The following OR6N1 variants were observed in gnomAD, a reference collection of about 807,000 sequenced individuals.
OR6N1 encodes olfactory receptor 6N1.
For missense variants in OR6N1, 394 were observed against 371.7 expected, an observed-to-expected ratio of 1.06 and a Z score of -0.49; for synonymous variants, 170 against 150.7, an observed-to-expected ratio of 1.13 and a Z score of -0.94.
intron 1 of OR6N1, among the ~76,000 whole-genome samples, chr1:158,769,429 G>T (rs770683371): frequency 2.6e-5 from 4 of 152,166 alleles, no homozygotes; most frequent in Admixed American, 1.3e-4. Context: ...CTCTAAAAGT[G>T]CTGGGATTAC....
At chr1:158,797,508 T>G in the OR6N1 span, among the ~76,000 whole-genome samples, 1 of 152,206 alleles carries the variant, frequency 6.6e-6, no homozygotes, top group Non-Finnish European at 1.5e-5. Flanking sequence ...GCACTGTATG[T>G]GTATATTTTG....
At chr1:158,830,869 T>C in the OR6N1 span, among the ~76,000 whole-genome samples, 1 of 152,210 alleles carries the variant, frequency 6.6e-6, no homozygotes, top group Non-Finnish European at 1.5e-5. Context: ...GCTCCAGGTG[T>C]ATCAGTTATT....
the OR6N1 span, among the ~76,000 whole-genome samples, chr1:158,778,756 T>C: frequency 6.6e-6 from 1 of 152,050 alleles, no homozygotes; most frequent in African/African-American, 2.4e-5. Context: ...GACTCACGCC[T>C]GTAATCCCAG....
At chr1:158,772,459 C>G (rs1236994252), upstream of OR6N1, among the ~76,000 whole-genome samples, 1 of 152,172 alleles carries the variant, frequency 6.6e-6, no homozygotes, top group Non-Finnish European at 1.5e-5. Flanking sequence ...TAGTAAATAA[C>G]AATAACTGGT....
the OR6N1 span, among the ~76,000 whole-genome samples, chr1:158,836,541 C>T: frequency 1.3e-5 from 2 of 151,802 alleles, no homozygotes; most frequent in African/African-American, 4.8e-5. Context: ...AAAGTATTCT[C>T]TTTATTTCTG....
intron 1 of OR6N1, 42 bp from the exon 2 acceptor site, chr1:158,766,742 A>G (rs1286803352): frequency 1.5e-6 from 2 of 1,311,510 alleles, no homozygotes; most frequent in South Asian, 1.4e-5. Context: ...AAGTTGAACT[A>G]TAGGGTTCTA....
chr1:158,766,572 C>T lies in OR6N1; in HGVS notation c.111G>A (p.Met37Ile), dbSNP rs1657278593. Reference protein sequence around the residue: ...LFLLLLLIYLMTVLGNLLIFL... With the variant: ...LFLLLLLIYLITVLGNLLIFL... ...ATATCAGCAGGTTTCCCAACACAGT[C>T]ATGAGGTAAATGAGAAGCAACAAGA... The change falls in exon 2 of 2, where the codon ATG becomes ATA. Residue 37 changes from methionine (M) to isoleucine (I), a missense_variant. Coordinates refer to ENST00000641846, the MANE Select transcript of OR6N1 (RefSeq NM_001005185.2). The T allele has an allele frequency of 3.7e-6, 6 of 1,614,006 alleles. No individual in the cohort carries two copies. In the East Asian group the frequency reaches 1.3e-4, roughly 36 times the overall value.
chr1:158,835,677 C>A, the OR6N1 span, among the ~76,000 whole-genome samples: 1 of 150,332 alleles, frequency 6.7e-6, no homozygotes, highest in African/African-American at 2.4e-5. Context: ...ACAAAAAAAT[C>A]ATCCTTGTCT....
At chr1:158,830,996 C>T in the OR6N1 span, among the ~76,000 whole-genome samples, 12 of 152,274 alleles carry the variant, frequency 7.9e-5, no homozygotes, top group South Asian at 2.1e-3. Flanking sequence ...ACCAAGATCT[C>T]CTGCTCCTGC....
At chr1:158,778,732 C>A in the OR6N1 span, among the ~76,000 whole-genome samples, 1 of 151,950 alleles carries the variant, frequency 6.6e-6, no homozygotes, top group African/African-American at 2.4e-5. Context: ...AATGCAGATT[C>A]GGCCGGGCAT....
the OR6N1 span, among the ~76,000 whole-genome samples, chr1:158,838,268 A>T: frequency 3.3e-5 from 5 of 151,954 alleles, no homozygotes; most frequent in African/African-American, 1.2e-4. Context: ...TTTAAGGTAG[A>T]TATAGTGGTA....
upstream of OR6N1, chr1:158,776,868 G>A: frequency 6.2e-7 from 1 of 1,614,178 alleles, no homozygotes; most frequent in East Asian, 2.2e-5. Context: ...CATACATGAA[G>A]ATGATGCTCC....
chr1:158,807,202 A>C, the OR6N1 span, among the ~76,000 whole-genome samples: 1 of 152,118 alleles, frequency 6.6e-6, no homozygotes, highest in African/African-American at 2.4e-5. Context: ...AATCTTTATA[A>C]TTTTATTACG....
chr1:158,831,131 G>C, the OR6N1 span, among the ~76,000 whole-genome samples: 1 of 152,162 alleles, frequency 6.6e-6, no homozygotes, highest in Admixed American at 6.5e-5. Context: ...TTATAAGAAA[G>C]TTCTGAGTTT....
chr1:158,828,812 AGCAAACTTCT>A, the OR6N1 span, among the ~76,000 whole-genome samples: 2 of 152,224 alleles, frequency 1.3e-5, no homozygotes, highest in African/African-American at 4.8e-5. Context: ...CCGCCTCTAC[AGCAAACTTCT>A]GCCTGGGCAT....
the OR6N1 span, among the ~76,000 whole-genome samples, chr1:158,790,351 TG>T: frequency 1.3e-5 from 2 of 152,126 alleles, no homozygotes; most frequent in Non-Finnish European, 2.9e-5. Flanking sequence ...AACTTTAGGT[TG>T]TTTTTTTCTG....
the OR6N1 span, among the ~76,000 whole-genome samples, chr1:158,827,085 G>T: frequency 5.9e-5 from 9 of 152,170 alleles, no homozygotes; most frequent in African/African-American, 2.2e-4. Flanking sequence ...TAAGTTAAAT[G>T]ATTTAAAAAG....
the OR6N1 span, among the ~76,000 whole-genome samples, chr1:158,778,252 G>A: frequency 0.016 from 2,388 of 152,268 alleles, 68 homozygotes; most frequent in African/African-American, 0.055. Flanking sequence ...TTACAACCCT[G>A]TAGAGAAGCA....
chr1:158,786,852 G>A, the OR6N1 span, among the ~76,000 whole-genome samples: 1 of 152,142 alleles, frequency 6.6e-6, no homozygotes, highest in African/African-American at 2.4e-5. Flanking sequence ...GGGAAAAGGT[G>A]AGGAGGATGA....
Sources: gnomAD v4.1 joint callset for allele counts (sites outside exome capture counted in the v4.1 genomes callset) on GRCh38, gnomAD v4.1.1 for gene constraint, MANE v1.5 for transcripts, NCBI Gene and HGNC (gene_info 2026-07-23, HGNC 2026-07-21) for gene names.